HIPK2: variants seen among roughly 807,000 people sequenced by gnomAD.
HIPK2 encodes the protein homeodomain-interacting protein kinase 2.
In HIPK2, 27 loss-of-function variants were observed where a neutral mutation model predicts 113.7. The ratio of observed to expected loss-of-function variants is 0.24; its 90% CI spans 0.17 to 0.33. The LOEUF (loss-of-function observed/expected upper bound fraction) is 0.33, where lower values mean the gene tolerates loss of function less well. HIPK2 is among the 10% of genes least tolerant of loss of function. The pLI is 1.00. For missense variants in HIPK2, 1,257 were observed against 1,588.0 expected, an observed-to-expected ratio of 0.79 and a Z score of 3.54; for synonymous variants, 631 against 642.2, an observed-to-expected ratio of 0.98 and a Z score of 0.26.
chr7:139,582,804 G>A (rs1468348534), intron 13 of HIPK2, among the ~76,000 whole-genome samples: 4 of 152,206 alleles, frequency 2.6e-5, no homozygotes, highest in Admixed American at 6.5e-5. Flanking sequence ...GACCCTCACC[G>A]TGCAGGCTGG....
chr7:139,764,905 G>A (rs1363367600), intron 1 of HIPK2, among the ~76,000 whole-genome samples: 1 of 152,212 alleles, frequency 6.6e-6, no homozygotes, highest in Non-Finnish European at 1.5e-5. Context: ...GGAGGCTGAG[G>A]CAGGTGGATC....
Position 139,631,534 on chromosome 7 carries a change from A to T in HIPK2, c.1227+68T>A. The stretch of plus-strand genomic sequence containing the variant: ...GCCCATTTGTCATGTAATCAATGAA[A>T]TGCTAATCCAGGCTATTTTCCAGAT... On this transcript the variant is annotated intron_variant, in intron 3 of 14. Coordinates refer to ENST00000406875, the MANE Select transcript of HIPK2 (RefSeq NM_022740.5). The surrounding 1 kb of genome is among the most constrained non-coding windows in gnomAD (Gnocchi z 4.9). 1 of 1,581,634 alleles carries T rather than the reference A, an allele frequency of 6.3e-7. No homozygotes were observed. The highest frequency in any genetic ancestry group is 1.2e-5 in the South Asian group (1 of 85,636).
intron 2 of HIPK2, among the ~76,000 whole-genome samples, chr7:139,715,245 T>C (rs1345859815): frequency 6.6e-6 from 1 of 152,192 alleles, no homozygotes; most frequent in Non-Finnish European, 1.5e-5. Flanking sequence ...CACACTTCCC[T>C]GCCACGGACA....
intron 2 of HIPK2, among the ~76,000 whole-genome samples, chr7:139,696,638 T>C (rs1794576556): frequency 6.6e-6 from 1 of 150,978 alleles, no homozygotes; most frequent in Non-Finnish European, 1.5e-5. Flanking sequence ...GGGAAGATAG[T>C]TGATGATAAA....
Position 139,613,469 on chromosome 7 carries a change from G to T in HIPK2, c.1991-146C>A. 1 of 890,688 alleles carries T rather than the reference G, an allele frequency of 1.1e-6. No homozygotes were observed. The highest frequency in any genetic ancestry group is 1.7e-6 in the Non-Finnish European group (1 of 603,940). The allele number at this position is 890,688 out of a possible 1,614,324, so 55.2% of individuals were successfully genotyped here. A position where few individuals can be genotyped will look rare whatever the true frequency, so the allele number is the denominator to read the frequency against. Reference sequence around the variant, plus strand: ...ACAACCAGGTATTGCCTGGTCCTTGGAAGTCTCCCCTTTGGCTTCTAACAA... The same window carrying T: ...ACAACCAGGTATTGCCTGGTCCTTGTAAGTCTCCCCTTTGGCTTCTAACAA... On this transcript the variant is annotated intron_variant, in intron 8 of 14. Coordinates refer to ENST00000406875, the MANE Select transcript of HIPK2 (RefSeq NM_022740.5). This position sits in a 1 kb window ranked among gnomAD's most constrained non-coding sequence, Gnocchi z 4.2.
intron 2 of HIPK2, among the ~76,000 whole-genome samples, chr7:139,689,972 G>A (rs1170750517): frequency 1.3e-5 from 2 of 151,552 alleles, no homozygotes; most frequent in Admixed American, 6.6e-5. Context: ...GAGAGCTCAC[G>A]CAGGGTGCCG....
Position 139,673,575 on chromosome 7 carries a change from G to C in HIPK2, c.1104-41850C>G, listed in dbSNP as rs139858560. On this transcript the variant is annotated intron_variant, in intron 2 of 14. Coordinates refer to ENST00000406875, the MANE Select transcript of HIPK2 (RefSeq NM_022740.5). Reference sequence around the variant, plus strand: ...CTCCCAGGGGCTGAGGGAGCTGTGAGGAGGGACGTAGAGACTGGGCTGACA... The same window carrying C: ...CTCCCAGGGGCTGAGGGAGCTGTGACGAGGGACGTAGAGACTGGGCTGACA... Among the ~76,000 whole-genome samples, 665 of 152,280 alleles carry C rather than the reference G, an allele frequency of 4.4e-3. 2 individuals carry two copies. Among genetic ancestry groups the C allele is most frequent in the Non-Finnish European group, 7.0e-3 (475 of 68,016 alleles).
intron 2 of HIPK2, among the ~76,000 whole-genome samples, chr7:139,636,775 G>A (rs950227099): frequency 2.0e-5 from 3 of 152,140 alleles, no homozygotes; most frequent in African/African-American, 7.2e-5. Flanking sequence ...CTAGGAAACT[G>A]ACAGTCATCT....
At position 139,584,001 on chromosome 7, in the gene HIPK2, G is replaced by C; in HGVS notation, c.2781C>G (p.Ser927=). ...AGGGGCTGGTGTTGCTGGAGGAGTC[G>C]GAGTAGGGGGAGTCGTGGACTGTGA... ...SCVTVHDSPY[S]DSSSNTSPYS... is the part of the protein sequence containing the mutation. The change falls in exon 13 of 15, where the codon TCC becomes TCG. Residue 927 remains serine, a synonymous_variant. Coordinates refer to ENST00000406875, the MANE Select transcript of HIPK2 (RefSeq NM_022740.5). 6.2e-7 allele frequency: 1 copy of C among 1,613,542 alleles called. No individual in the cohort carries two copies. The highest frequency in any genetic ancestry group is 8.5e-7 in the Non-Finnish European group (1 of 1,179,578).
intron 14 of HIPK2, among the ~76,000 whole-genome samples, chr7:139,574,602 G>C (rs907699234): frequency 1.3e-5 from 2 of 152,210 alleles, no homozygotes; most frequent in East Asian, 3.9e-4. Context: ...AGTCAGGCCT[G>C]ATGCCGAGCC....
intron 2 of HIPK2, among the ~76,000 whole-genome samples, chr7:139,685,234 G>A (rs773855027): frequency 5.9e-5 from 9 of 152,146 alleles, no homozygotes; most frequent in Non-Finnish European, 7.4e-5. Flanking sequence ...GCAGTGGCAC[G>A]ATCTCAGCTC....
intron 2 of HIPK2, among the ~76,000 whole-genome samples, chr7:139,670,430 G>A (rs1802223748): frequency 3.9e-5 from 1 of 25,620 alleles, no homozygotes; most frequent in Non-Finnish European, 6.2e-5. Context: ...CAAAAAATCA[G>A]TTAAAAAAAA....
intron 1 of HIPK2, among the ~76,000 whole-genome samples, chr7:139,755,295 T>C (rs1178472967): frequency 6.6e-6 from 1 of 152,198 alleles, no homozygotes; most frequent in Non-Finnish European, 1.5e-5. Context: ...CCACAAACCA[T>C]GGGGCAGAAA....
chr7:139,718,391 C>T lies in HIPK2; in HGVS notation c.20-1376G>A, dbSNP rs193095030. 5.9e-5 allele frequency among the ~76,000 whole-genome samples: 9 copies of T among 152,320 alleles called. No individual in the cohort carries two copies. The East Asian group carries it at 1.7e-3, about 29-fold the overall frequency. ...TGGTAATCCTTTCCACTCCATCAAC[C>T]ATCACCCTAGTCCACCTTCTCTCTC... On this transcript the variant is annotated intron_variant, in intron 1 of 14. Coordinates refer to ENST00000406875, the MANE Select transcript of HIPK2 (RefSeq NM_022740.5).
At chr7:139,615,495 A>T (rs1160717506) in intron 7 of HIPK2, among the ~76,000 whole-genome samples, 1 of 152,242 alleles carries the variant, frequency 6.6e-6, no homozygotes, top group Non-Finnish European at 1.5e-5. Context: ...AACTTGCATG[A>T]AAAATGAGGC....
At chr7:139,608,289 A>G (rs1351809585) in intron 9 of HIPK2, among the ~76,000 whole-genome samples, 1 of 91,630 alleles carries the variant, frequency 1.1e-5, no homozygotes, top group Non-Finnish European at 2.4e-5. Flanking sequence ...GTGTGTGTAT[A>G]AATAAAAACT....
rs1322079940 is a variant in HIPK2 at position 139,633,762 on chromosome 7, T to TGGTGAAA, written c.1104-2044_1104-2038dup. On this transcript the variant is annotated intron_variant, in intron 2 of 14. Transcript: ENST00000406875. The stretch of plus-strand genomic sequence containing the variant: ...GAGTCCAAGACCAGCCTGGTCAACA[T>TGGTGAAA]GGTGAAACCCTGTCTCTACTAAAAA... 9.9e-5 allele frequency among the ~76,000 whole-genome samples: 15 copies of TGGTGAAA among 151,794 alleles called. No homozygotes were observed. The South Asian group carries it at 3.1e-3, about 32-fold the overall frequency.
rs979421592 is a variant in HIPK2 at position 139,566,088 on chromosome 7, G to T, written c.*6839C>A. The T allele has an allele frequency of 6.6e-6, 1 of 152,194 alleles. No homozygotes were observed. The highest frequency in any genetic ancestry group is 1.5e-5 in the Non-Finnish European group (1 of 68,032). 9.4% of individuals were successfully genotyped at this position (152,194 alleles called of 1,614,324 possible). ...TATGAATCAAAAGAAACTCTCCAGAGATTTTCTCTAAAAATCAAACGAATT... is the reference window on the plus strand; with the variant it reads ...TATGAATCAAAAGAAACTCTCCAGATATTTTCTCTAAAAATCAAACGAATT... On this transcript the variant is annotated 3_prime_UTR_variant, in exon 15 of 15. Transcript: ENST00000406875. This position sits in a 1 kb window ranked among gnomAD's most constrained non-coding sequence, Gnocchi z 4.1.
At chr7:139,711,283 C>G (rs1795059475) in intron 2 of HIPK2, among the ~76,000 whole-genome samples, 1 of 152,056 alleles carries the variant, frequency 6.6e-6, no homozygotes, top group African/African-American at 2.4e-5. Flanking sequence ...AAAAAATTAG[C>G]CAGGCGTGGT....
Sources: gnomAD v4.1 joint callset for allele counts (sites outside exome capture counted in the v4.1 genomes callset) on GRCh38, gnomAD v4.1.1 for gene constraint, Gnocchi (gnomAD v3.1) non-coding constraint, MANE v1.5 for transcripts, NCBI Gene and HGNC (gene_info 2026-07-23, HGNC 2026-07-21) for gene names.